The following ZNF562 variants were observed in gnomAD, a reference collection of about 807,000 sequenced individuals.
ZNF562 encodes the protein zinc finger protein 562.
Under a neutral mutation model 17.5 loss-of-function variants are expected in ZNF562, and 13 were observed. That is an observed-to-expected ratio of 0.74 (90% confidence interval 0.48 to 1.18). The LOEUF (loss-of-function observed/expected upper bound fraction) is 1.18, where lower values mean the gene tolerates loss of function less well. ZNF562 is among the 50% of genes most tolerant of loss of function. The pLI is 0.00. For missense variants in ZNF562, 481 were observed against 498.5 expected (o/e 0.96, Z 0.33); for synonymous variants, 163 against 165.4 (o/e 0.99, Z 0.11).
In ZNF562 at chr19:9,669,732, GCGCACACA is replaced by G. The variant is rs1170456131; in HGVS notation, c.-131+5275_-131+5282del. ...CACGCGCGCGAGCGCGCGCGCGCGCGCGCACACACACACACACACACACACACACACAC... is the reference window on the plus strand; with the variant it reads ...CACGCGCGCGAGCGCGCGCGCGCGCGCACACACACACACACACACACACAC... On this transcript the variant is annotated intron_variant, in intron 1 of 5. Coordinates refer to ENST00000453372, the MANE Select transcript of ZNF562 (RefSeq NM_001130031.2). 2.4e-3 allele frequency among the ~76,000 whole-genome samples: 182 copies of G among 76,794 alleles called. 1 individual carries two copies. The highest frequency in any genetic ancestry group is 5.9e-3 in the African/African-American group (147 of 24,994). The allele number at this position is 76,794 out of a possible 152,430, so 50.4% of individuals were successfully genotyped here.
intron 1 of ZNF562, among the ~76,000 whole-genome samples, chr19:9,668,213 T>TA (rs923099308): frequency 1.3e-5 from 2 of 150,568 alleles, no homozygotes; most frequent in African/African-American, 2.4e-5. Flanking sequence ...CAGTCTCAAT[T>TA]AAAAAAAAGA....
intron 2 of ZNF562, among the ~76,000 whole-genome samples, chr19:9,660,321 A>T (rs931243058): frequency 6.6e-6 from 1 of 151,942 alleles, no homozygotes; most frequent in African/African-American, 2.4e-5. Flanking sequence ...TCTTACTTGA[A>T]TTCCTCCTTA....
At position 9,653,499 on chromosome 19, in the gene ZNF562, G is replaced by A; in HGVS notation, c.731C>T (p.Ser244Phe). 1 of 1,614,170 alleles carries A rather than the reference G, an allele frequency of 6.2e-7. No individual in the cohort carries two copies. The highest frequency in any genetic ancestry group is 8.5e-7 in the Non-Finnish European group (1 of 1,180,040). Residue 244 changes from serine to phenylalanine, a missense_variant, in exon 6 of 6, where the codon TCC (serine) becomes TTC (phenylalanine). Ser to Phe is a radical substitution (Grantham distance 155, BLOSUM62 -2). Transcript: ENST00000453372. ...FQECERAITT[S>F]SHLKQCVAVH... Reference sequence around the variant, plus strand: ...TGCTACACACTGCTTTAAGTGTGAGGAAGTTGTGATGGCTCTCTCACATTC... The same window carrying A: ...TGCTACACACTGCTTTAAGTGTGAGAAAGTTGTGATGGCTCTCTCACATTC...
At chr19:9,674,051 C>T (rs549306282) in intron 1 of ZNF562, among the ~76,000 whole-genome samples, 89 of 152,296 alleles carry the variant, frequency 5.8e-4, no homozygotes, top group Non-Finnish European at 1.2e-3. Context: ...CACACCAGGA[C>T]AAGGGAGGGG....
intron 1 of ZNF562, among the ~76,000 whole-genome samples, chr19:9,662,658 G>GT (rs1241302134): frequency 1.5e-4 from 23 of 151,994 alleles, no homozygotes; most frequent in Non-Finnish European, 2.5e-4. Flanking sequence ...AAGGTAGGCA[G>GT]ACCACAAGGT....
intron 2 of ZNF562, among the ~76,000 whole-genome samples, chr19:9,660,494 G>T (rs1020937616): frequency 1.3e-5 from 2 of 151,726 alleles, no homozygotes; most frequent in Non-Finnish European, 2.9e-5. Context: ...TGGTCCCAGT[G>T]ACTCGGGTGG....
At chr19:9,672,306 G>A (rs2044225207) in intron 1 of ZNF562, among the ~76,000 whole-genome samples, 1 of 152,108 alleles carries the variant, frequency 6.6e-6, no homozygotes, top group South Asian at 2.1e-4. Flanking sequence ...TAATTTAAGT[G>A]AAATACTAGT....
At position 9,648,184 on chromosome 19, in the gene ZNF562, T is replaced by C. The variant is rs1288571326; in HGVS notation, c.*4765A>G. On this transcript the variant is annotated 3_prime_UTR_variant, in exon 6 of 6. Coordinates refer to ENST00000453372, the MANE Select transcript of ZNF562 (RefSeq NM_001130031.2). ...GTTATTCAAACATAGCTCCATAACA[T>C]ATTAGTAAAGGTCATGAAGTATTTT... 1 of 152,214 alleles carries C rather than the reference T, an allele frequency of 6.6e-6. No individual in the cohort carries two copies. Among genetic ancestry groups the C allele is most frequent in the Non-Finnish European group, 1.5e-5 (1 of 68,032 alleles). The allele number at this position is 152,214 out of a possible 1,614,324, so 9.4% of individuals were successfully genotyped here.
chr19:9,663,676 T>C (rs2043843118), intron 1 of ZNF562, among the ~76,000 whole-genome samples: 3 of 151,870 alleles, frequency 2.0e-5, no homozygotes, highest in Admixed American at 2.0e-4. Flanking sequence ...TTCTTTTTTT[T>C]CTTTTTCTTT....
chr19:9,659,107 T>C (rs2043627425), intron 3 of ZNF562, among the ~76,000 whole-genome samples: 1 of 152,258 alleles, frequency 6.6e-6, no homozygotes, highest in Middle Eastern at 3.2e-3. Context: ...CTTTATCATC[T>C]GTCACCGCAC....
chr19:9,669,846 G>A (rs1041809039), intron 1 of ZNF562, among the ~76,000 whole-genome samples: 1 of 151,660 alleles, frequency 6.6e-6, no homozygotes, highest in Non-Finnish European at 1.5e-5. Context: ...CAGATCATTT[G>A]AGGTCAGGAG....
chr19:9,666,193 G>A (rs546146513), intron 1 of ZNF562, among the ~76,000 whole-genome samples: 1 of 151,730 alleles, frequency 6.6e-6, no homozygotes, highest in Non-Finnish European at 1.5e-5. Context: ...ACATGGTGGT[G>A]CATGCCTGTA....
chr19:9,669,108 CAT>C (rs1297743649), intron 1 of ZNF562, among the ~76,000 whole-genome samples: 1 of 152,130 alleles, frequency 6.6e-6, no homozygotes, highest in African/African-American at 2.4e-5. Flanking sequence ...CAAAAACAAA[CAT>C]ATGAGATTAC....
chr19:9,672,469 TTAAG>T (rs1263092232), intron 1 of ZNF562, among the ~76,000 whole-genome samples: 2 of 152,138 alleles, frequency 1.3e-5, no homozygotes, highest in African/African-American at 4.8e-5. Context: ...TGCTAAAAAA[TTAAG>T]TAAATCTACT....
At position 9,642,148 on chromosome 19, in the gene ZNF562, G is replaced by A. The variant is rs1033036003; in HGVS notation, c.*10801C>T. 2.0e-5 allele frequency: 3 copies of A among 151,358 alleles called. No homozygotes were observed. Among genetic ancestry groups the A allele is most frequent in the African/African-American group, 7.3e-5 (3 of 41,096 alleles). The allele number at this position is 151,358 out of a possible 1,614,324, so 9.4% of individuals were successfully genotyped here. On this transcript the variant is annotated 3_prime_UTR_variant, in exon 6 of 6. Coordinates refer to ENST00000453372, the MANE Select transcript of ZNF562 (RefSeq NM_001130031.2). ...GGTGGGGGAGGATGTATCTTATAAAGTACATTCACAAGGGCAGGGGAATAT... is the reference window on the plus strand; with the variant it reads ...GGTGGGGGAGGATGTATCTTATAAAATACATTCACAAGGGCAGGGGAATAT...
intron 2 of ZNF562, among the ~76,000 whole-genome samples, chr19:9,660,360 C>G (rs534746322): frequency 6.6e-6 from 1 of 152,218 alleles, no homozygotes; most frequent in Non-Finnish European, 1.5e-5. Flanking sequence ...GGCACGGTGG[C>G]TCATGCCTGT....
At chr19:9,661,841 T>C (rs2043756041) in intron 1 of ZNF562, among the ~76,000 whole-genome samples, 1 of 152,122 alleles carries the variant, frequency 6.6e-6, no homozygotes, top group Non-Finnish European at 1.5e-5. Context: ...GGTTTCATCA[T>C]ATTGGCCAGG....
At chr19:9,658,822 A>G (rs1187365443) in intron 3 of ZNF562, among the ~76,000 whole-genome samples, 2 of 152,084 alleles carry the variant, frequency 1.3e-5, no homozygotes. Flanking sequence ...TTATTTATAT[A>G]TAAAGACAGG....
At chr19:9,672,785 T>C (rs955840680) in intron 1 of ZNF562, among the ~76,000 whole-genome samples, 9 of 149,596 alleles carry the variant, frequency 6.0e-5, no homozygotes, top group Non-Finnish European at 1.2e-4. Flanking sequence ...TTCTTTTTTT[T>C]TTTTTTTTTT....
Sources: gnomAD v4.1 joint callset for allele counts (sites outside exome capture counted in the v4.1 genomes callset) on GRCh38, gnomAD v4.1.1 for gene constraint, MANE v1.5 for transcripts, NCBI Gene and HGNC (gene_info 2026-07-23, HGNC 2026-07-21) for gene names.